WHRN: variants seen among roughly 807,000 people sequenced by gnomAD.
WHRN encodes the protein CASK-interacting protein CIP98.
WHRN carries 41 observed loss-of-function variants against 68.3 expected under a neutral mutation model. The observed-to-expected ratio is 0.60, with a 90% CI of 0.47 to 0.78. The LOEUF is 0.78. Among genes scored for constraint, WHRN ranks in the 30% least tolerant of loss-of-function variants. The probability of loss-of-function intolerance (pLI) is 0.00; values close to 1 mark genes in which losing one functional copy is unlikely to be tolerated. For synonymous variants in WHRN, 560 were observed against 561.3 expected, an observed-to-expected ratio of 1.00 and a Z score of 0.03; for missense variants, 1,243 against 1,244.7, an observed-to-expected ratio of 1.00 and a Z score of 0.02.
chr9:114,408,896 G>T (rs543343396), intron 7 of WHRN, among the ~76,000 whole-genome samples: 1 of 152,218 alleles, frequency 6.6e-6, no homozygotes, highest in African/African-American at 2.4e-5. Context: ...GGCCTGAACA[G>T]AACAGAAAGG....
intron 2 of WHRN, among the ~76,000 whole-genome samples, chr9:114,475,317 A>G (rs536665886): frequency 4.1e-4 from 63 of 152,256 alleles, no homozygotes; most frequent in African/African-American, 1.5e-3. Context: ...GGTTAGAACA[A>G]CATGGGAAGC....
Position 114,423,433 on chromosome 9 carries a change from T to A in WHRN, c.1507A>T (p.Met503Leu). The A allele has an allele frequency of 6.2e-7, 1 of 1,614,102 alleles. No homozygotes were observed. The highest frequency in any genetic ancestry group is 8.5e-7 in the Non-Finnish European group (1 of 1,180,012). ...GGGCCTGGGGGCTGCCGCGCCTTCATGGACTCAATCTCACGCCTCAGCACC... is the reference window on the plus strand; with the variant it reads ...GGGCCTGGGGGCTGCCGCGCCTTCAAGGACTCAATCTCACGCCTCAGCACC... ...HLVLRREIES[M>L]KARQPPGPGA... Residue 503 changes from methionine (M) to leucine (L), a missense_variant, in exon 7 of 12, where the codon ATG becomes TTG. Physicochemically the swap from Met to Leu is conservative, Grantham distance 15. Transcript: ENST00000362057.
chr9:114,453,900 A>G (rs1331911740), intron 3 of WHRN, among the ~76,000 whole-genome samples: 1 of 152,212 alleles, frequency 6.6e-6, no homozygotes, highest in Non-Finnish European at 1.5e-5. Flanking sequence ...ATGAACACAA[A>G]TGGAAATATC....
At position 114,465,395 on chromosome 9, in the gene WHRN, C is replaced by T. The variant is rs530362119; in HGVS notation, c.963+872G>A. Among the ~76,000 whole-genome samples the T allele has an allele frequency of 8.5e-5, 13 of 152,286 alleles. No homozygotes were observed. In the South Asian group the frequency reaches 2.1e-3, roughly 24 times the overall value. On this transcript the variant is annotated intron_variant, in intron 3 of 11. Coordinates refer to ENST00000362057, the MANE Select transcript of WHRN (RefSeq NM_015404.4). ...CTAGTCAGTCACCAACAGTCAGACACGCATGGTCCTTTGGCCAGCCACTCC... is the reference window on the plus strand; with the variant it reads ...CTAGTCAGTCACCAACAGTCAGACATGCATGGTCCTTTGGCCAGCCACTCC...
Position 114,436,627 on chromosome 9 carries a change from G to A in WHRN, c.964-10214C>T, listed in dbSNP as rs542201507. On this transcript the variant is annotated intron_variant, in intron 3 of 11. Coordinates refer to ENST00000362057, the MANE Select transcript of WHRN (RefSeq NM_015404.4). ...GTGGATCACCTGAGATCAGGTGTTC[G>A]AGACCAGCCTGGCCAACATGGTGAA... Among the ~76,000 whole-genome samples the A allele has an allele frequency of 7.2e-5, 11 of 152,182 alleles. No individual in the cohort carries two copies. The South Asian group carries it at 8.3e-4, about 12-fold the overall frequency.
In WHRN at chr9:114,406,845, C is replaced by T. The variant is rs1835072900; in HGVS notation, c.1746G>A (p.Leu582=). 1 of 1,601,232 alleles carries T rather than the reference C, an allele frequency of 6.2e-7. No homozygotes were observed. Residue 582 remains leucine (L), a synonymous_variant, in exon 9 of 12, where the codon CTG becomes CTA. Coordinates refer to ENST00000362057, the MANE Select transcript of WHRN (RefSeq NM_015404.4). ...TSQGLSSFKP[L]PRPPPLAQGN... ...CTTGGGCCAGAGGTGGTGGGCGAGG[C>T]AGTGGCTTGAAGCTTGACAGCCCCT... is the stretch of plus-strand genomic sequence containing the variant.
In WHRN at chr9:114,488,717, C is replaced by T. The variant is rs921185582; in HGVS notation, c.619-9946G>A. On this transcript the variant is annotated intron_variant, in intron 1 of 11. Coordinates refer to ENST00000362057, the MANE Select transcript of WHRN (RefSeq NM_015404.4). Reference sequence around the variant, plus strand: ...CAGAAATTGGTGATGCGGACTCTGCCCCAGTAGCTTATTTTAATGTCATGA... The same window carrying T: ...CAGAAATTGGTGATGCGGACTCTGCTCCAGTAGCTTATTTTAATGTCATGA... 3.3e-5 allele frequency among the ~76,000 whole-genome samples: 5 copies of T among 152,130 alleles called. No homozygotes were observed. In the East Asian group the frequency reaches 7.7e-4, roughly 23 times the overall value.
chr9:114,457,077 G>T (rs946342873), intron 3 of WHRN, among the ~76,000 whole-genome samples: 1 of 152,154 alleles, frequency 6.6e-6, no homozygotes, highest in South Asian at 2.1e-4. Flanking sequence ...ACAGATACGG[G>T]TATGTGTGCA....
intron 3 of WHRN, among the ~76,000 whole-genome samples, chr9:114,444,047 A>G (rs1838615382): frequency 6.6e-6 from 1 of 152,200 alleles, no homozygotes; most frequent in Non-Finnish European, 1.5e-5. Context: ...CGGTTCAATT[A>G]TCTCCCACTG....
intron 2 of WHRN, among the ~76,000 whole-genome samples, chr9:114,473,530 C>T (rs563646578): frequency 6.6e-4 from 101 of 152,298 alleles, no homozygotes; most frequent in African/African-American, 2.4e-3. Context: ...TCTGGAAAAT[C>T]GGAATAATGA....
Position 114,406,630 on chromosome 9 carries a change from A to G in WHRN, c.1961T>C (p.Val654Ala). ...DLPSSPIYAS[V>A]SPANPSSKRP... ...CTTGGAGCTGGGGTTGGCAGGGGAG[A>G]CGGAGGCATAGATGGGGGAAGAGGG... The change falls in exon 9 of 12, where the codon GTC (valine) becomes GCC (alanine). Residue 654 changes from valine (V) to alanine (A), a missense_variant. Transcript: ENST00000362057. 6.2e-7 allele frequency: 1 copy of G among 1,611,666 alleles called. No individual in the cohort carries two copies.
intron 2 of WHRN, among the ~76,000 whole-genome samples, chr9:114,477,409 A>T (rs1841738789): frequency 1.3e-5 from 2 of 152,146 alleles, no homozygotes; most frequent in South Asian, 4.1e-4. Context: ...ACCCAGAGAG[A>T]AGGGTAAGAT....
In WHRN at chr9:114,426,432, AAT is replaced by A; in HGVS notation, c.964-21_964-20del. 1 of 1,613,678 alleles carries A rather than the reference AAT, an allele frequency of 6.2e-7. No homozygotes were observed. The highest frequency in any genetic ancestry group is 8.5e-7 in the Non-Finnish European group (1 of 1,179,974). ...CCCCAACCTGCCAAGATCACCACAC[AAT>A]ACAGTCACCTGGGCTGTTTGCAGGA... On this transcript the variant is annotated intron_variant, in intron 3 of 11. Transcript: ENST00000362057.
intron 7 of WHRN, among the ~76,000 whole-genome samples, chr9:114,420,915 C>T (rs536554149): frequency 2.6e-5 from 4 of 152,006 alleles, no homozygotes; most frequent in East Asian, 3.9e-4. Context: ...ATCAAGGCAC[C>T]GCGAGCTCAA....
intron 3 of WHRN, among the ~76,000 whole-genome samples, chr9:114,456,590 G>A (rs1425864080): frequency 6.6e-6 from 1 of 152,148 alleles, no homozygotes; most frequent in East Asian, 1.9e-4. Flanking sequence ...CACTTTGGGA[G>A]GCTGAGGTGG....
chr9:114,428,684 C>T (rs1378283748), intron 3 of WHRN, among the ~76,000 whole-genome samples: 5 of 152,286 alleles, frequency 3.3e-5, no homozygotes, highest in Middle Eastern at 3.4e-3. Context: ...TCAAATCCAG[C>T]GTGTCCAAAG....
Position 114,419,556 on chromosome 9 carries a change from G to A in WHRN, c.1626+3758C>T, listed in dbSNP as rs10982209. On this transcript the variant is annotated intron_variant, in intron 7 of 11. Transcript: ENST00000362057. The stretch of plus-strand genomic sequence containing the variant: ...GACCAAAGGAAGCCCGGGGGCAAGA[G>A]GAGCCGTGGCCTGAAAGTCACTCCC... Among the ~76,000 whole-genome samples, 41 of 152,364 alleles carry A rather than the reference G, an allele frequency of 2.7e-4. No homozygotes were observed. The East Asian group carries it at 2.7e-3, about 10-fold the overall frequency.
At chr9:114,502,326 C>T (rs78377439) in intron 1 of WHRN, among the ~76,000 whole-genome samples, 12,012 of 152,238 alleles carry the variant, frequency 0.079, 660 homozygotes, top group East Asian at 0.24. Context: ...AGCTCTGCTC[C>T]TATCAACCTC....
chr9:114,460,530 G>A (rs576593489), intron 3 of WHRN, among the ~76,000 whole-genome samples: 1 of 152,290 alleles, frequency 6.6e-6, no homozygotes, highest in East Asian at 1.9e-4. Context: ...ATTCTTTGGT[G>A]GGGTTTGAAG....
Sources: allele counts gnomAD v4.1 joint callset (sites outside exome capture counted in the v4.1 genomes callset), GRCh38; gene constraint gnomAD v4.1.1; transcripts MANE v1.5; gene names NCBI Gene and HGNC (gene_info 2026-07-23, HGNC 2026-07-21).